Variants in INVS observed in about 807,000 individuals in gnomAD.
The protein encoded by INVS is inversin, also known as inversion of embryo turning homolog.
Under a neutral mutation model 108.8 loss-of-function variants are expected in INVS, and 86 were observed. That is an observed-to-expected ratio of 0.79 (90% CI 0.66 to 0.95). INVS has a LOEUF of 0.95. Ranked by LOEUF, INVS falls within the 40% of genes least tolerant of loss-of-function variation. INVS has a pLI of 0.00. For missense variants in INVS, 1,169 were observed against 1,297.4 expected (o/e 0.90, Z 1.52); for synonymous variants, 455 against 473.5 (o/e 0.96, Z 0.51).
At chr9:100,249,742 C>G (rs1480922818) in intron 8 of INVS, among the ~76,000 whole-genome samples, 1 of 151,748 alleles carries the variant, frequency 6.6e-6, no homozygotes, top group African/African-American at 2.4e-5. Flanking sequence ...GATCCACCCA[C>G]CTCGGCCTCC....
At chr9:100,177,085 T>C (rs913339285) in intron 3 of INVS, among the ~76,000 whole-genome samples, 10 of 151,808 alleles carry the variant, frequency 6.6e-5, no homozygotes, top group African/African-American at 2.2e-4. Context: ...CAACGGTGCA[T>C]TCCGGTCCAG....
intron 3 of INVS, among the ~76,000 whole-genome samples, chr9:100,146,541 T>G (rs1444909174): frequency 6.6e-6 from 1 of 152,196 alleles, no homozygotes; most frequent in African/African-American, 2.4e-5. Flanking sequence ...CTGGCTTTTT[T>G]TCACTTAGGA....
At chr9:100,105,850 C>CTTTTTTTTTTTTTTTTTTTTTTTTTTT (rs543070811) in intron 2 of INVS, among the ~76,000 whole-genome samples, 1 of 63,800 alleles carries the variant, frequency 1.6e-5, no homozygotes, top group Non-Finnish European at 2.8e-5. Context: ...GAAAAATTCC[C>CTTTTTTTTTTTTTTTTTTTTTTTTTTT]TTTTTTTTTT....
intron 3 of INVS, among the ~76,000 whole-genome samples, chr9:100,135,949 G>A (rs1371663288): frequency 6.6e-6 from 1 of 151,932 alleles, no homozygotes; most frequent in Non-Finnish European, 1.5e-5. Flanking sequence ...AGAAGAACTA[G>A]ATCAGAGTGG....
rs566257331 is a variant in INVS at position 100,158,424 on chromosome 9, T to C, written c.273+31875T>C. On this transcript the variant is annotated intron_variant, in intron 3 of 16. Coordinates refer to ENST00000262457, the MANE Select transcript of INVS (RefSeq NM_014425.5). ...AGAATTGTTCTTGGAGTTGGACCTA[T>C]ATTGATTCTAGTCCCTGCTCATTTA... is the stretch of plus-strand genomic sequence containing the variant. Among the ~76,000 whole-genome samples the C allele has an allele frequency of 9.2e-5, 14 of 152,356 alleles. No homozygotes were observed. In the South Asian group the frequency reaches 2.9e-3, roughly 32 times the overall value.
chr9:100,252,845 C>T (rs2118561898), intron 9 of INVS, 62 bp from the exon 10 acceptor site: 1 of 1,143,370 alleles, frequency 8.7e-7, no homozygotes, highest in East Asian at 2.5e-5. Context: ...TTTTTCTACT[C>T]CTACTCATTT....
At chr9:100,242,766 A>T in intron 7 of INVS, 87 bp downstream of exon 7, 2 of 807,266 alleles carry the variant, frequency 2.5e-6, no homozygotes, top group Non-Finnish European at 4.4e-6. Flanking sequence ...TGTAGGAAAT[A>T]ATACAACAAG....
At chr9:100,131,765 TA>T in intron 3 of INVS, 1 of 244,798 alleles carries the variant, frequency 4.1e-6, no homozygotes, top group Non-Finnish European at 6.6e-6. Context: ...TATATCACAG[TA>T]AACACAAAAA....
At chr9:100,111,400 A>G (rs1051521199) in intron 2 of INVS, among the ~76,000 whole-genome samples, 2 of 152,192 alleles carry the variant, frequency 1.3e-5, no homozygotes, top group Non-Finnish European at 2.9e-5. Context: ...CAAGCCTTAA[A>G]ATAACTGAAT....
chr9:100,149,356 G>A (rs1716292278), intron 3 of INVS, among the ~76,000 whole-genome samples: 1 of 152,098 alleles, frequency 6.6e-6, no homozygotes, highest in African/African-American at 2.4e-5. Context: ...AAACTCTTAT[G>A]TCCTAGAATC....
chr9:100,172,045 A>G lies in INVS; in HGVS notation c.273+45496A>G, dbSNP rs181644863. 1.1e-3 allele frequency among the ~76,000 whole-genome samples: 174 copies of G among 152,242 alleles called. 1 individual carries two copies. Among genetic ancestry groups the G allele is most frequent in the African/African-American group, 4.1e-3 (170 of 41,534 alleles). ...CTCTGTAAAACCTTTGATTATGTTA[A>G]GGGACACATAGTCTAAAGAGTCCTG... is the stretch of plus-strand genomic sequence containing the variant. On this transcript the variant is annotated intron_variant, in intron 3 of 16. Coordinates refer to ENST00000262457, the MANE Select transcript of INVS (RefSeq NM_014425.5).
Position 100,242,667 on chromosome 9 carries a change from G to C in INVS, c.894G>C (p.Gln298His), listed in dbSNP as rs1831916612. The C allele has an allele frequency of 6.3e-7, 1 of 1,591,398 alleles. No individual in the cohort carries two copies. The highest frequency in any genetic ancestry group is 1.1e-5 in the South Asian group (1 of 90,624). Residue 298 changes from glutamine (Q) to histidine (H), a missense_variant, in exon 7 of 17, where the codon CAG becomes CAC. By Grantham distance (24) the Gln-to-His change is conservative. Around this residue, in one of 3 missense-constraint regions of INVS, gnomAD observed 365 missense variants for 397.5 expected, o/e 0.92. Transcript: ENST00000262457. ...CCACACCTTTGCACTATGCTGCTCAGAGTAACTTTGCTGTAAGTAAAACAA... is the reference window on the plus strand; with the variant it reads ...CCACACCTTTGCACTATGCTGCTCACAGTAACTTTGCTGTAAGTAAAACAA... ...QGATPLHYAAQSNFAETVKVF... is the reference protein window; with the variant it reads ...QGATPLHYAAHSNFAETVKVF...
intron 11 of INVS, among the ~76,000 whole-genome samples, chr9:100,268,620 G>A (rs1832862295): frequency 1.3e-5 from 2 of 152,142 alleles, no homozygotes; most frequent in African/African-American, 2.4e-5. Context: ...TGAAGCAAAT[G>A]TAGCAAAAAA....
intron 5 of INVS, among the ~76,000 whole-genome samples, chr9:100,235,068 T>A (rs1831637036): frequency 6.6e-6 from 1 of 152,210 alleles, no homozygotes. Flanking sequence ...TGCATATATA[T>A]TTAGGATAGT....
intron 3 of INVS, among the ~76,000 whole-genome samples, chr9:100,213,031 G>A (rs1321432179): frequency 6.6e-6 from 1 of 152,122 alleles, no homozygotes; most frequent in African/African-American, 2.4e-5. Flanking sequence ...ATAGATGGCT[G>A]TCTTCTTGCT....
chr9:100,162,000 G>A (rs1265131051), intron 3 of INVS, among the ~76,000 whole-genome samples: 1 of 152,164 alleles, frequency 6.6e-6, no homozygotes, highest in Non-Finnish European at 1.5e-5. Flanking sequence ...CCTGCAAGGA[G>A]CATCTCACAC....
intron 12 of INVS, among the ~76,000 whole-genome samples, chr9:100,277,764 C>T (rs1430672765): frequency 1.3e-5 from 2 of 152,256 alleles, no homozygotes; most frequent in African/African-American, 2.4e-5. Flanking sequence ...TCAACTATTT[C>T]TATGCCTGTT....
chr9:100,277,855 CT>C (rs980960130), intron 12 of INVS, among the ~76,000 whole-genome samples: 4 of 152,140 alleles, frequency 2.6e-5, no homozygotes, highest in South Asian at 4.1e-4. Context: ...AGAGCTAAAT[CT>C]TTTTTGTCTC....
intron 3 of INVS, among the ~76,000 whole-genome samples, chr9:100,156,866 A>G (rs1308383404): frequency 6.6e-6 from 1 of 151,714 alleles, no homozygotes; most frequent in East Asian, 1.9e-4. Context: ...ATGTTCCTTG[A>G]CTCTAGATTC....
Sources: allele counts gnomAD v4.1 joint callset (sites outside exome capture counted in the v4.1 genomes callset), GRCh38; gene constraint gnomAD v4.1.1; regional missense constraint gnomAD v4.1.1; transcripts MANE v1.5; gene names NCBI Gene and HGNC (gene_info 2026-07-23, HGNC 2026-07-21).